The following XKR4 variants were observed in gnomAD, a reference collection of about 807,000 sequenced individuals.
The protein encoded by XKR4 is XK-related protein 4.
XKR4 carries 12 observed loss-of-function variants against 53.9 expected under a neutral mutation model. The observed-to-expected ratio is 0.22, with a 90% CI of 0.14 to 0.36. The LOEUF (loss-of-function observed/expected upper bound fraction) is 0.36. Among genes scored for constraint, XKR4 ranks in the 10% least tolerant of loss-of-function variants. XKR4 has a pLI of 1.00. For synonymous variants in XKR4, 354 were observed against 362.4 expected (o/e 0.98, Z 0.26); for missense variants, 799 against 859.5 (o/e 0.93, Z 0.88).
intron 1 of XKR4, among the ~76,000 whole-genome samples, chr8:55,202,268 G>A (rs1441480219): frequency 3.9e-5 from 6 of 152,198 alleles, no homozygotes; most frequent in Admixed American, 2.0e-4. Flanking sequence ...CAGTTGGCTC[G>A]TGGCCTTACC....
At chr8:55,111,237 G>C (rs1816226607) in intron 1 of XKR4, among the ~76,000 whole-genome samples, 1 of 152,150 alleles carries the variant, frequency 6.6e-6, no homozygotes, top group Non-Finnish European at 1.5e-5. Flanking sequence ...TCATAGACTA[G>C]ATCTTCTTTT....
At chr8:55,481,006 T>A (rs1232669959) in intron 2 of XKR4, among the ~76,000 whole-genome samples, 1 of 152,164 alleles carries the variant, frequency 6.6e-6, no homozygotes, top group African/African-American at 2.4e-5. Context: ...GCCATCCCCA[T>A]CAAGCTACCA....
intron 1 of XKR4, among the ~76,000 whole-genome samples, chr8:55,145,431 A>C (rs1395180737): frequency 6.9e-5 from 2 of 29,132 alleles, no homozygotes; most frequent in African/African-American, 1.7e-4. Context: ...ATTTTTTCTC[A>C]AAAAAAAAAA....
At chr8:55,415,024 T>C (rs944024748) in intron 2 of XKR4, among the ~76,000 whole-genome samples, 1 of 152,242 alleles carries the variant, frequency 6.6e-6, no homozygotes, top group Admixed American at 6.5e-5. Context: ...GCAGGATAGC[T>C]GTACATATCT....
intron 2 of XKR4, among the ~76,000 whole-genome samples, chr8:55,473,472 G>A (rs1326757203): frequency 6.6e-6 from 1 of 152,114 alleles, no homozygotes; most frequent in Non-Finnish European, 1.5e-5. Context: ...ACTTGATAAA[G>A]TAACATAGAT....
intron 2 of XKR4, among the ~76,000 whole-genome samples, chr8:55,487,893 A>G (rs927212524): frequency 1.3e-5 from 2 of 152,224 alleles, no homozygotes; most frequent in Non-Finnish European, 2.9e-5. Flanking sequence ...AATAGCAGAT[A>G]ATAGTTCCGC....
rs770967262 is a variant in XKR4 at position 55,536,340 on chromosome 8, C to A, written c.*12113C>A. On this transcript the variant is annotated 3_prime_UTR_variant, in exon 3 of 3. Transcript: ENST00000327381. ...TCTTCCTCCTGACTAAGTTTCTTTT[C>A]TTTGGGGGGCTTTCAACATCTGAAT... 2.6e-5 allele frequency: 4 copies of A among 152,194 alleles called. No homozygotes were observed. The highest frequency in any genetic ancestry group is 4.4e-5 in the Non-Finnish European group (3 of 68,028). 9.4% of individuals were successfully genotyped at this position (152,194 alleles called of 1,614,324 possible). A position where few individuals can be genotyped will look rare whatever the true frequency, so the allele number is the denominator to read the frequency against.
chr8:55,308,201 C>T (rs973603007), intron 1 of XKR4, among the ~76,000 whole-genome samples: 3 of 152,004 alleles, frequency 2.0e-5, no homozygotes, highest in African/African-American at 4.8e-5. Flanking sequence ...TGCAGTGAGC[C>T]GAGATCGTGC....
At chr8:55,447,337 G>A (rs145636742) in intron 2 of XKR4, among the ~76,000 whole-genome samples, 82 of 152,312 alleles carry the variant, frequency 5.4e-4, no homozygotes, top group African/African-American at 1.9e-3. Flanking sequence ...TTCCAAAGTT[G>A]AGATCACAGA....
intron 2 of XKR4, among the ~76,000 whole-genome samples, chr8:55,371,045 A>G (rs892538192): frequency 2.6e-5 from 4 of 151,068 alleles, no homozygotes; most frequent in Non-Finnish European, 4.4e-5. Context: ...AGTGGTGGTC[A>G]CTTTGAGGTC....
At chr8:55,412,898 A>C (rs1804795967) in intron 2 of XKR4, among the ~76,000 whole-genome samples, 1 of 152,240 alleles carries the variant, frequency 6.6e-6, no homozygotes, top group Non-Finnish European at 1.5e-5. Context: ...TAGAAGGCTA[A>C]GAAGAAATTT....
In XKR4 at chr8:55,337,479, G is replaced by T; in HGVS notation, c.807-20199G>T. Among the ~76,000 whole-genome samples the T allele has an allele frequency of 2.6e-5, 4 of 152,288 alleles. 1 individual carries two copies. In the Middle Eastern group the frequency reaches 0.01, roughly 388 times the overall value. On this transcript the variant is annotated intron_variant, in intron 1 of 2. Transcript: ENST00000327381. ...TGCAGTCCTTTCATGTGTAATGAAG[G>T]CTGCTCAGAAATGCAGCAAGCTGTA...
At chr8:55,217,557 G>C (rs549079915) in intron 1 of XKR4, among the ~76,000 whole-genome samples, 60 of 152,222 alleles carry the variant, frequency 3.9e-4, no homozygotes, top group Non-Finnish European at 7.1e-4. Context: ...GCATTCCTGA[G>C]GGAATATATA....
At chr8:55,138,292 G>C (rs538120697) in intron 1 of XKR4, among the ~76,000 whole-genome samples, 3 of 152,088 alleles carry the variant, frequency 2.0e-5, no homozygotes, top group African/African-American at 7.2e-5. Context: ...AGGCCACAAG[G>C]CTTTTGGATC....
intron 1 of XKR4, among the ~76,000 whole-genome samples, chr8:55,167,891 A>C (rs1026941156): frequency 6.6e-6 from 1 of 152,232 alleles, no homozygotes; most frequent in Non-Finnish European, 1.5e-5. Context: ...GAAGTAGGGC[A>C]ACCAGGCAAG....
chr8:55,484,290 C>T (rs1288561582), intron 2 of XKR4, among the ~76,000 whole-genome samples: 3 of 152,160 alleles, frequency 2.0e-5, no homozygotes, highest in African/African-American at 7.2e-5. Context: ...TCATCCAGAG[C>T]ATAGAAAAGG....
chr8:55,141,061 T>C (rs1425366514), intron 1 of XKR4, among the ~76,000 whole-genome samples: 3 of 152,180 alleles, frequency 2.0e-5, no homozygotes, highest in African/African-American at 7.2e-5. Context: ...CCACAATCAA[T>C]TTTGTAACAC....
intron 2 of XKR4, among the ~76,000 whole-genome samples, chr8:55,370,781 G>A (rs779481440): frequency 7.2e-5 from 11 of 152,094 alleles, no homozygotes; most frequent in Admixed American, 2.0e-4. Context: ...GCAAAAACAA[G>A]CGTGGCAGCA....
chr8:55,453,698 C>A, intron 2 of XKR4: 1 of 397,366 alleles, frequency 2.5e-6, no homozygotes, highest in Non-Finnish European at 4.9e-6. Flanking sequence ...CAGGTGGCTG[C>A]TGTCACCCGG....
Sources: gnomAD v4.1 joint callset for allele counts (sites outside exome capture counted in the v4.1 genomes callset) on GRCh38, gnomAD v4.1.1 for gene constraint, MANE v1.5 for transcripts, NCBI Gene and HGNC (gene_info 2026-07-23, HGNC 2026-07-21) for gene names.